Variants in CTNNA2 observed in about 807,000 individuals in gnomAD.
The protein encoded by CTNNA2 is catenin alpha 2.
CTNNA2 carries 42 observed loss-of-function variants against 101.0 expected under a neutral mutation model. The ratio of observed to expected loss-of-function variants is 0.42; its 90% CI spans 0.32 to 0.54. The LOEUF is 0.54. CTNNA2 is among the 20% of genes least tolerant of loss of function. The pLI, the probability that CTNNA2 is intolerant of heterozygous loss-of-function variation, is 0.14. For synonymous variants in CTNNA2, 450 were observed against 456.4 expected, an observed-to-expected ratio of 0.99 and a Z score of 0.18; for missense variants, 871 against 1,223.1, an observed-to-expected ratio of 0.71 and a Z score of 4.29.
chr2:80,195,220 T>G (rs1450266375), intron 7 of CTNNA2, among the ~76,000 whole-genome samples: 1 of 152,176 alleles, frequency 6.6e-6, no homozygotes, highest in Non-Finnish European at 1.5e-5. Context: ...GCCTGCCTCT[T>G]TTCTGTACTC....
At chr2:80,251,061 A>G (rs1047842936) in intron 7 of CTNNA2, among the ~76,000 whole-genome samples, 2 of 152,056 alleles carry the variant, frequency 1.3e-5, no homozygotes, top group Non-Finnish European at 2.9e-5. Flanking sequence ...CCATTTTTAT[A>G]CTTTAATTTT....
At chr2:80,005,429 G>A (rs1272305349) in intron 7 of CTNNA2, among the ~76,000 whole-genome samples, 1 of 152,138 alleles carries the variant, frequency 6.6e-6, no homozygotes, top group East Asian at 1.9e-4. Flanking sequence ...GTTTATCATG[G>A]TGAGCTTAAC....
intron 9 of CTNNA2, among the ~76,000 whole-genome samples, chr2:80,470,593 G>T (rs1162357447): frequency 6.6e-6 from 1 of 152,076 alleles, no homozygotes; most frequent in East Asian, 1.9e-4. Flanking sequence ...AGAAAGAAGG[G>T]CAGTTGTCAG....
At chr2:79,800,009 A>C (rs563720037) in intron 3 of CTNNA2, among the ~76,000 whole-genome samples, 1 of 152,300 alleles carries the variant, frequency 6.6e-6, no homozygotes, top group African/African-American at 2.4e-5. Context: ...TGACTGATAC[A>C]GTTTTTCAGA....
At chr2:80,631,742 A>G (rs1051144227) in intron 18 of CTNNA2, among the ~76,000 whole-genome samples, 1 of 152,152 alleles carries the variant, frequency 6.6e-6, no homozygotes, top group Admixed American at 6.6e-5. Flanking sequence ...ACTGTGGTAT[A>G]TTGATAAATG....
At chr2:80,148,348 G>T (rs1703481798) in intron 7 of CTNNA2, among the ~76,000 whole-genome samples, 1 of 152,190 alleles carries the variant, frequency 6.6e-6, no homozygotes, top group South Asian at 2.1e-4. Context: ...ACAAGGAACT[G>T]GATATTTACA....
At chr2:79,732,278 T>C (rs562550163) in intron 2 of CTNNA2, among the ~76,000 whole-genome samples, 1 of 152,126 alleles carries the variant, frequency 6.6e-6, no homozygotes, top group Non-Finnish European at 1.5e-5. Flanking sequence ...TCCCAGGTCA[T>C]TGAAAAGTGA....
chr2:79,340,694 G>T (rs1466574321), intron 3 of CTNNA2, among the ~76,000 whole-genome samples: 1 of 151,842 alleles, frequency 6.6e-6, no homozygotes. Flanking sequence ...TTAGCCAGGC[G>T]TGGGTTGCAG....
At chr2:80,516,650 T>A (rs896882021) in intron 9 of CTNNA2, among the ~76,000 whole-genome samples, 1 of 152,210 alleles carries the variant, frequency 6.6e-6, no homozygotes, top group Middle Eastern at 3.2e-3. Flanking sequence ...CTATTCATCT[T>A]AATGCAGAGT....
Position 80,217,892 on chromosome 2 carries a change from A to G in CTNNA2, c.1057-175319A>G, listed in dbSNP as rs573424859. ...CAGAACACAGCTTGAAAACCTCTGC[A>G]TAGGCCATCATGCTTCACAGGAACT... On this transcript the variant is annotated intron_variant, in intron 7 of 18. Coordinates refer to ENST00000402739, the MANE Select transcript of CTNNA2 (RefSeq NM_001282597.3). Among the ~76,000 whole-genome samples the G allele has an allele frequency of 5.3e-5, 8 of 152,330 alleles. No homozygotes were observed. The East Asian group carries it at 1.4e-3, about 26-fold the overall frequency.
At chr2:79,931,336 T>C (rs1687428491) in intron 7 of CTNNA2, among the ~76,000 whole-genome samples, 1 of 152,202 alleles carries the variant, frequency 6.6e-6, no homozygotes, top group Non-Finnish European at 1.5e-5. Context: ...TGGGTTTCTT[T>C]TGTTTTTCTT....
intron 9 of CTNNA2, among the ~76,000 whole-genome samples, chr2:80,516,819 A>G (rs754788782): frequency 2.6e-5 from 4 of 152,220 alleles, no homozygotes; most frequent in Non-Finnish European, 5.9e-5. Flanking sequence ...CACTTTTCTA[A>G]CAACGGTAAA....
intron 17 of CTNNA2, among the ~76,000 whole-genome samples, chr2:80,615,477 A>T (rs761024510): frequency 2.0e-5 from 3 of 151,522 alleles, no homozygotes; most frequent in Non-Finnish European, 3.0e-5. Flanking sequence ...AATACCAAAT[A>T]ATTTTCATGA....
chr2:80,569,940 C>A (rs1694429675), intron 12 of CTNNA2, among the ~76,000 whole-genome samples: 1 of 151,964 alleles, frequency 6.6e-6, no homozygotes, highest in Admixed American at 6.6e-5. Flanking sequence ...AGGCGCCTGG[C>A]CTAGATTTTT....
intron 7 of CTNNA2, among the ~76,000 whole-genome samples, chr2:80,189,396 G>C (rs1351908596): frequency 6.6e-6 from 1 of 152,208 alleles, no homozygotes; most frequent in Non-Finnish European, 1.5e-5. Flanking sequence ...CTCTAGCTGA[G>C]CTAGCCACAA....
chr2:79,298,699 C>T (rs1271585360), intron 2 of CTNNA2, among the ~76,000 whole-genome samples: 1 of 152,180 alleles, frequency 6.6e-6, no homozygotes, highest in East Asian at 1.9e-4. Flanking sequence ...ACACTGATGT[C>T]CCCAAATCTT....
chr2:80,386,847 C>CT (rs1439705750), intron 7 of CTNNA2, among the ~76,000 whole-genome samples: 1 of 152,108 alleles, frequency 6.6e-6, no homozygotes, highest in Admixed American at 6.6e-5. Flanking sequence ...AAACATCTAC[C>CT]TTCTTACAAC....
intron 3 of CTNNA2, among the ~76,000 whole-genome samples, chr2:79,767,033 C>T (rs987889363): frequency 1.5e-4 from 23 of 151,934 alleles, no homozygotes; most frequent in African/African-American, 5.3e-4. Flanking sequence ...GGATTACAGG[C>T]GTGAGCCACT....
At chr2:79,273,662 A>G (rs567892034) in intron 2 of CTNNA2, among the ~76,000 whole-genome samples, 1 of 152,220 alleles carries the variant, frequency 6.6e-6, no homozygotes, top group African/African-American at 2.4e-5. Context: ...GATGATTCAG[A>G]CAATTCTGAT....
Sources: allele counts gnomAD v4.1 joint callset (sites outside exome capture counted in the v4.1 genomes callset), GRCh38; gene constraint gnomAD v4.1.1; transcripts MANE v1.5; gene names NCBI Gene and HGNC (gene_info 2026-07-23, HGNC 2026-07-21).